The following MIA2 variants were observed in gnomAD, a reference collection of about 807,000 sequenced individuals.
MIA2 encodes melanoma inhibitory activity protein 2.
MIA2 carries 127 observed loss-of-function variants against 167.8 expected under a neutral mutation model. That is an observed-to-expected ratio of 0.76 (90% CI 0.66 to 0.88). The LOEUF is 0.88. Among genes scored for constraint, MIA2 ranks in the 40% least tolerant of loss-of-function variants. The probability of loss-of-function intolerance (pLI) is 0.00; values close to 1 mark genes in which losing one functional copy is unlikely to be tolerated. For synonymous variants in MIA2, 552 were observed against 541.9 expected, an observed-to-expected ratio of 1.02 and a Z score of -0.26; for missense variants, 1,690 against 1,624.7, an observed-to-expected ratio of 1.04 and a Z score of -0.69.
At chr14:39,276,044 A>T (rs1312928916) in intron 6 of MIA2, among the ~76,000 whole-genome samples, 2 of 152,228 alleles carry the variant, frequency 1.3e-5, no homozygotes, top group East Asian at 3.8e-4. Flanking sequence ...CCTGAAAAGA[A>T]TCAAACCCCA....
intron 6 of MIA2, 145 bp downstream of exon 6, chr14:39,253,316 CTCTTT>C: frequency 1.9e-6 from 2 of 1,064,266 alleles, no homozygotes; most frequent in Non-Finnish European, 2.8e-6. Context: ...TGTAAGATTT[CTCTTT>C]ATATGAATGT....
intron 27 of MIA2, 80 bp from the exon 28 acceptor site, chr14:39,348,663 T>C (rs2073913913): frequency 5.8e-6 from 9 of 1,559,564 alleles, no homozygotes; most frequent in Non-Finnish European, 8.0e-6. Flanking sequence ...GTCTAGATGA[T>C]TTCTTCTAAG....
At chr14:39,260,990 T>A (rs1191821265) in intron 6 of MIA2, among the ~76,000 whole-genome samples, 1 of 152,108 alleles carries the variant, frequency 6.6e-6, no homozygotes, top group Non-Finnish European at 1.5e-5. Context: ...CTTGTTTTTT[T>A]TTCTTTTTTT....
At chr14:39,386,678 ATTATTG>A (rs1477023569) in intron 23 of MIA2, 9 of 1,126,786 alleles carry the variant, frequency 8.0e-6, no homozygotes, top group African/African-American at 3.1e-5. Flanking sequence ...AGACCTTCTC[ATTATTG>A]TTATTGTTTT....
intron 21 of MIA2, among the ~76,000 whole-genome samples, chr14:39,316,070 G>T (rs2065364569): frequency 6.6e-6 from 1 of 152,158 alleles, no homozygotes; most frequent in Non-Finnish European, 1.5e-5. Context: ...TTCCTCATTT[G>T]TGTAACAATG....
chr14:39,279,224 ATACAAAGGCAATAAG>A (rs1457034272), intron 7 of MIA2, 98 bp from the exon 8 acceptor site: 16 of 792,520 alleles, frequency 2.0e-5, no homozygotes, highest in Non-Finnish European at 3.3e-5. Context: ...GCTTGTATTT[ATACAAAGGCAATAAG>A]AAACCTGTAT....
intron 24 of MIA2, among the ~76,000 whole-genome samples, chr14:39,323,225 C>T (rs777838752): frequency 6.6e-6 from 1 of 152,046 alleles, no homozygotes; most frequent in African/African-American, 2.4e-5. Flanking sequence ...TAGAACTGTT[C>T]CTGTCCACCT....
chr14:39,269,695 A>AT (rs373771896), intron 6 of MIA2, among the ~76,000 whole-genome samples: 1 of 151,512 alleles, frequency 6.6e-6, no homozygotes, highest in African/African-American at 2.4e-5. Flanking sequence ...ATTTTTTTGT[A>AT]TTTTTTGTAG....
chr14:39,327,207 A>G (rs1261044453), intron 25 of MIA2, among the ~76,000 whole-genome samples, 185 bp downstream of exon 25: 1 of 152,176 alleles, frequency 6.6e-6, no homozygotes, highest in African/African-American at 2.4e-5. Context: ...TATTATAGAA[A>G]GCTGTTTTCT....
intron 23 of MIA2, 119 bp downstream of exon 23, chr14:39,319,410 T>G: frequency 2.1e-6 from 1 of 466,808 alleles, no homozygotes; most frequent in South Asian, 1.0e-4. Flanking sequence ...ATTTTAGATT[T>G]TAGAACCAAG....
At chr14:39,330,441 T>G (rs1176471561) in intron 25 of MIA2, among the ~76,000 whole-genome samples, 2 of 152,190 alleles carry the variant, frequency 1.3e-5, no homozygotes, top group African/African-American at 4.8e-5. Context: ...TTTGAAGGGT[T>G]TTTTGTGTCT....
At position 39,311,077 on chromosome 14, in the gene MIA2, A is replaced by T. The variant is rs988131205; in HGVS notation, c.3018-2263A>T. Among the ~76,000 whole-genome samples the T allele has an allele frequency of 2.6e-5, 4 of 152,244 alleles. No homozygotes were observed. In the South Asian group the frequency reaches 8.3e-4, roughly 31 times the overall value. On this transcript the variant is annotated intron_variant, in intron 18 of 28. Transcript: ENST00000640607. ...AGAATTTTGATGAGTAATGTTTAAC[A>T]TTTCAAAGAAAAGGTATTTTCTTTA... is the stretch of plus-strand genomic sequence containing the variant.
At chr14:39,293,229 A>G in intron 10 of MIA2, 42 bp from the exon 11 acceptor site, 1 of 1,324,654 alleles carries the variant, frequency 7.5e-7, no homozygotes, top group Non-Finnish European at 1.1e-6. Context: ...CCCTAATGAA[A>G]AATTCTTATA....
intron 9 of MIA2, among the ~76,000 whole-genome samples, chr14:39,287,506 G>T (rs893390457): frequency 3.3e-5 from 5 of 151,672 alleles, no homozygotes; most frequent in Non-Finnish European, 7.4e-5. Context: ...AATGGCTTTT[G>T]TTATGTTGAG....
rs866204560 is a variant in MIA2, at chr14:39,348,944, G to T, written c.4039G>T (p.Asp1347Tyr). The T allele has an allele frequency of 2.5e-6, 4 of 1,613,924 alleles. No homozygotes were observed. Among genetic ancestry groups the T allele is most frequent in the South Asian group, 2.2e-5 (2 of 91,072 alleles). Residue 1347 changes from aspartate (D) to tyrosine (Y), a missense_variant, in exon 28 of 29, where the codon GAT becomes TAT. Transcript: ENST00000640607. ...TTCTCGAGATTATTTTCCACCAGGG[G>T]ATTTCCCAGGTCCACCACCTGCTCC... ...GASRDYFPPG[D>Y]FPGPPPAPFA...
intron 18 of MIA2, among the ~76,000 whole-genome samples, chr14:39,311,871 C>T (rs1320618254): frequency 6.6e-6 from 1 of 150,846 alleles, no homozygotes; most frequent in Non-Finnish European, 1.5e-5. Flanking sequence ...GCTCTGTCGC[C>T]CAGGCTGGGG....
chr14:39,235,227 G>A (rs1350948680), intron 1 of MIA2, among the ~76,000 whole-genome samples: 1 of 151,938 alleles, frequency 6.6e-6, no homozygotes, highest in Admixed American at 6.6e-5. Context: ...GTAGAGATGG[G>A]ATTTCACTGT....
chr14:39,320,892 A>T (rs777454168), intron 23 of MIA2, 36 bp from the exon 24 acceptor site: 1 of 1,602,474 alleles, frequency 6.2e-7, no homozygotes, highest in Non-Finnish European at 8.5e-7. Context: ...GCTAAGTGAA[A>T]CTATGAATTT....
chr14:39,357,529 A>G (rs920118584), intron 23 of MIA2, among the ~76,000 whole-genome samples: 1 of 152,182 alleles, frequency 6.6e-6, no homozygotes, highest in Non-Finnish European at 1.5e-5. Context: ...GTGTCATTTA[A>G]TTGGAGCATT....
Sources: allele counts gnomAD v4.1 joint callset (sites outside exome capture counted in the v4.1 genomes callset), GRCh38; gene constraint gnomAD v4.1.1; transcripts MANE v1.5; gene names NCBI Gene and HGNC (gene_info 2026-07-23, HGNC 2026-07-21).